The following ASPH variants were observed in gnomAD, a reference collection of about 807,000 sequenced individuals.
ASPH encodes aspartyl/asparaginyl beta-hydroxylase.
In ASPH, 100 loss-of-function variants were observed where a neutral mutation model predicts 118.4. The observed-to-expected ratio is 0.84, with a 90% CI of 0.72 to 1.00. The LOEUF (loss-of-function observed/expected upper bound fraction) is 1.00, where lower values mean the gene tolerates loss of function less well. ASPH is among the 50% of genes least tolerant of loss of function. The pLI is 0.00. For synonymous variants in ASPH, 315 were observed against 325.6 expected, an observed-to-expected ratio of 0.97 and a Z score of 0.35; for missense variants, 920 against 919.5, an observed-to-expected ratio of 1.00 and a Z score of -0.01.
At chr8:61,559,266 T>C (rs988991133) in intron 18 of ASPH, among the ~76,000 whole-genome samples, 1 of 152,226 alleles carries the variant, frequency 6.6e-6, no homozygotes. Context: ...ATAGTACATA[T>C]ACAAAATATG....
chr8:61,548,939 C>G (rs1192597613), intron 20 of ASPH, among the ~76,000 whole-genome samples: 1 of 152,158 alleles, frequency 6.6e-6, no homozygotes, highest in East Asian at 1.9e-4. Context: ...GAGCATGACG[C>G]TCTTTATGGC....
intron 14 of ASPH, among the ~76,000 whole-genome samples, chr8:61,594,976 C>A (rs964285442): frequency 6.6e-6 from 1 of 152,086 alleles, no homozygotes; most frequent in African/African-American, 2.4e-5. Context: ...GATGTTTGTT[C>A]AGAACTGATA....
chr8:61,684,164 T>C lies in ASPH; in HGVS notation c.128A>G (p.Asn43Ser). 6.2e-7 allele frequency: 1 copy of C among 1,613,366 alleles called. No homozygotes were observed. The highest frequency in any genetic ancestry group is 8.5e-7 in the Non-Finnish European group (1 of 1,179,570). The stretch of plus-strand genomic sequence containing the variant: ...TCCTGAGAGTCCGCCTTTCCTCCCA[T>C]TCTTGTGTCCTCCATGCTTTGTCTC... ...RRETKHGGHK[N>S]GRKGGLSGTS... Residue 43 changes from asparagine to serine, a missense_variant, in exon 2 of 25, where the codon AAT becomes AGT. By Grantham distance (46) the Asn-to-Ser change is conservative. Coordinates refer to ENST00000379454, the MANE Select transcript of ASPH (RefSeq NM_004318.4).
rs1336851079 is a variant in ASPH at position 61,611,223 on chromosome 8, A to G, written c.976+7755T>C. ...CCAACTTCAGCACCTTGCAACAGCC[A>G]TAAACATTTATTGTATTTCCCAAGT... On this transcript the variant is annotated intron_variant, in intron 14 of 24. Coordinates refer to ENST00000379454, the MANE Select transcript of ASPH (RefSeq NM_004318.4). Among the ~76,000 whole-genome samples, 4 of 152,344 alleles carry G rather than the reference A, an allele frequency of 2.6e-5. No individual in the cohort carries two copies. The East Asian group carries it at 7.7e-4, about 29-fold the overall frequency.
intron 3 of ASPH, among the ~76,000 whole-genome samples, chr8:61,673,430 A>T (rs1054739291): frequency 6.6e-6 from 1 of 152,210 alleles, no homozygotes; most frequent in Admixed American, 6.5e-5. Flanking sequence ...GCGTCTTTGC[A>T]ATCGGACAAA....
intron 1 of ASPH, among the ~76,000 whole-genome samples, chr8:61,697,203 G>A (rs1834112989): frequency 6.6e-6 from 1 of 152,076 alleles, no homozygotes; most frequent in South Asian, 2.1e-4. Flanking sequence ...AAAACCATAG[G>A]TCAAAAAACA....
At chr8:61,535,756 A>G (rs979751797) in intron 21 of ASPH, among the ~76,000 whole-genome samples, 4 of 152,248 alleles carry the variant, frequency 2.6e-5, no homozygotes, top group African/African-American at 9.6e-5. Flanking sequence ...TAGTCAAAAC[A>G]TGCCTATACT....
chr8:61,597,039 G>A (rs1471439951), intron 14 of ASPH, among the ~76,000 whole-genome samples: 1 of 151,810 alleles, frequency 6.6e-6, no homozygotes, highest in Non-Finnish European at 1.5e-5. Context: ...TCAATAGAGA[G>A]ATAGATACCA....
intron 13 of ASPH, chr8:61,625,158 T>C (rs1852283824): frequency 2.0e-6 from 2 of 985,736 alleles, no homozygotes; most frequent in Non-Finnish European, 2.4e-6. Flanking sequence ...ATGTGGTAGC[T>C]ACCTTCTTTT....
chr8:61,675,985 C>A, intron 3 of ASPH: 1 of 1,554,606 alleles, frequency 6.4e-7, no homozygotes, highest in East Asian at 2.2e-5. Flanking sequence ...CCCCACTGCA[C>A]ATTAAGCCCT....
At chr8:61,672,014 A>C (rs540867549) in intron 3 of ASPH, among the ~76,000 whole-genome samples, 47 of 152,354 alleles carry the variant, frequency 3.1e-4, no homozygotes, top group African/African-American at 9.6e-4. Flanking sequence ...GAGACCTGTG[A>C]GTCACTGTAA....
At chr8:61,607,039 G>T in intron 14 of ASPH, 1 of 447,136 alleles carries the variant, frequency 2.2e-6, no homozygotes, top group Non-Finnish European at 4.0e-6. Flanking sequence ...TGCCAGCAGT[G>T]TGTCATTTCC....
chr8:61,635,655 A>G (rs1857405756), intron 12 of ASPH, among the ~76,000 whole-genome samples: 1 of 152,122 alleles, frequency 6.6e-6, no homozygotes, highest in African/African-American at 2.4e-5. Context: ...AAATGGCCCC[A>G]TCATCTAATA....
At position 61,503,368 on chromosome 8, in the gene ASPH, T is replaced by C. The variant is rs777803283; in HGVS notation, c.2268A>G (p.Pro756=). ...ELTPQQRRSL[P]AI ...CTTGCATGAATTCATGCTAAATTGC[T>C]GGAAGGCTGCGTCTCTGCTGTGGTG... Residue 756 remains proline, a synonymous_variant, in exon 25 of 25, where the codon CCA becomes CCG. Transcript: ENST00000379454. The C allele has an allele frequency of 1.9e-6, 3 of 1,604,872 alleles. No individual in the cohort carries two copies. Among genetic ancestry groups the C allele is most frequent in the Non-Finnish European group, 2.6e-6 (3 of 1,174,950 alleles).
chr8:61,685,588 G>A (rs984400179), intron 1 of ASPH, among the ~76,000 whole-genome samples: 5 of 151,844 alleles, frequency 3.3e-5, no homozygotes, highest in South Asian at 2.1e-4. Context: ...AATTTCCAGC[G>A]GCTCAAGTCA....
At position 61,638,351 on chromosome 8, in the gene ASPH, G is replaced by A. The variant is rs1755156488; in HGVS notation, c.803C>T (p.Pro268Leu). The A allele has an allele frequency of 9.4e-6, 15 of 1,591,020 alleles. No homozygotes were observed. The highest frequency in any genetic ancestry group is 1.2e-5 in the Non-Finnish European group (14 of 1,171,410). Residue 268 changes from proline (P) to leucine (L), a missense_variant, in exon 11 of 25, where the codon CCT becomes CTT. By Grantham distance (98) the Pro-to-Leu change is moderately conservative. Transcript: ENST00000379454. ...QVYEEQAVYE[P>L]LENEGIEITE... is the part of the protein sequence containing the mutation. ...GATTTCTATCCCTTCATTTTCTAGA[G>A]GTTCATATACTGCTAAAAAAAAAAA...
At chr8:61,649,726 G>C (rs746292149) in intron 5 of ASPH, among the ~76,000 whole-genome samples, 1 of 149,108 alleles carries the variant, frequency 6.7e-6, no homozygotes, top group Non-Finnish European at 1.5e-5. Flanking sequence ...AGGCAAGTTT[G>C]CTACCATCCT....
chr8:61,618,946 T>C (rs1849943259), intron 14 of ASPH, 32 bp downstream of exon 14: 1 of 1,545,810 alleles, frequency 6.5e-7, no homozygotes, highest in Non-Finnish European at 8.9e-7. Context: ...TCCCCATGTA[T>C]ATTTTAAAGG....
At chr8:61,681,125 G>T in intron 2 of ASPH, 89 bp from the exon 3 acceptor site, 1 of 995,820 alleles carries the variant, frequency 1.0e-6, no homozygotes, top group Non-Finnish European at 1.4e-6. Flanking sequence ...ATGCAACTCA[G>T]TCATAAATGT....
Sources: allele counts gnomAD v4.1 joint callset (sites outside exome capture counted in the v4.1 genomes callset), GRCh38; gene constraint gnomAD v4.1.1; transcripts MANE v1.5; gene names NCBI Gene and HGNC (gene_info 2026-07-23, HGNC 2026-07-21).